PCDH7: variants seen among roughly 807,000 people sequenced by gnomAD.
PCDH7 encodes protocadherin-7.
PCDH7 carries 17 observed loss-of-function variants against 58.9 expected under a neutral mutation model. That is an observed-to-expected ratio of 0.29 (90% CI 0.20 to 0.43). PCDH7 has a LOEUF of 0.43. Among genes scored for constraint, PCDH7 ranks in the 20% least tolerant of loss-of-function variants. The pLI is 1.00. For missense variants in PCDH7, 1,274 were observed against 1,441.0 expected (o/e 0.88, Z 1.88); for synonymous variants, 664 against 616.4 (o/e 1.08, Z -1.14).
chr4:30,964,176 T>G lies in PCDH7; in HGVS notation c.*7+13961T>G, dbSNP rs150152445. Among the ~76,000 whole-genome samples, 365 of 152,232 alleles carry G rather than the reference T, an allele frequency of 2.4e-3. 1 individual carries two copies. The highest frequency in any genetic ancestry group is 0.011 in the South Asian group (52 of 4,826). ...TGTCTTATTCATAGCTTTAGTTTGC[T>G]ATAGGGGAAGTGATAGGGTATATTA... On this transcript the variant is annotated intron_variant, in intron 3 of 3. Coordinates refer to the PCDH7 transcript ENST00000509759.
chr4:31,011,401 G>A (rs898044056), intron 3 of PCDH7, among the ~76,000 whole-genome samples: 2 of 151,824 alleles, frequency 1.3e-5, no homozygotes, highest in African/African-American at 2.4e-5. Context: ...CTGATATTTG[G>A]CTCCTTTCCA....
intron 3 of PCDH7, among the ~76,000 whole-genome samples, chr4:30,987,033 A>C (rs747097202): frequency 3.9e-5 from 6 of 152,176 alleles, no homozygotes; most frequent in Non-Finnish European, 8.8e-5. Flanking sequence ...ATTCTACAAT[A>C]CAGTGTGACA....
intron 3 of PCDH7, among the ~76,000 whole-genome samples, chr4:31,098,256 T>A (rs140306319): frequency 3.2e-4 from 49 of 152,344 alleles, no homozygotes; most frequent in African/African-American, 1.1e-3. Context: ...TTGCTTCTGG[T>A]CTCGTGACTG....
chr4:31,002,272 T>G (rs1276128166), intron 3 of PCDH7, among the ~76,000 whole-genome samples: 1 of 152,224 alleles, frequency 6.6e-6, no homozygotes, highest in Non-Finnish European at 1.5e-5. Context: ...TGATAAGCAC[T>G]CAGGCACCAT....
At chr4:30,906,652 A>G (rs1436823956) in intron 1 of PCDH7, among the ~76,000 whole-genome samples, 1 of 152,206 alleles carries the variant, frequency 6.6e-6, no homozygotes, top group African/African-American at 2.4e-5. Context: ...TAGCAGCTAC[A>G]CTTTCCAGTA....
intron 1 of PCDH7, among the ~76,000 whole-genome samples, chr4:30,856,716 A>ATG (rs1733514492): frequency 6.6e-6 from 1 of 150,600 alleles, no homozygotes; most frequent in South Asian, 2.1e-4. Context: ...AAATATATAT[A>ATG]TATATACATG....
chr4:31,138,254 G>A (rs1180251131), intron 3 of PCDH7, among the ~76,000 whole-genome samples: 3 of 152,086 alleles, frequency 2.0e-5, no homozygotes, highest in Non-Finnish European at 4.4e-5. Context: ...AAAATACTAT[G>A]TTTTTGAGAG....
chr4:30,797,439 AT>A (rs1171850897), intron 1 of PCDH7, among the ~76,000 whole-genome samples: 1 of 151,246 alleles, frequency 6.6e-6, no homozygotes, highest in Non-Finnish European at 1.5e-5. Context: ...CGCCCGGCTA[AT>A]TTTTTTTGTA....
At chr4:31,067,496 T>C (rs1758182391) in intron 3 of PCDH7, among the ~76,000 whole-genome samples, 1 of 151,694 alleles carries the variant, frequency 6.6e-6, no homozygotes, top group Non-Finnish European at 1.5e-5. Context: ...ATCGTGCCAG[T>C]GGTATTTCCG....
exon 2 of PCDH7, chr4:30,730,802 A>G (rs1167779161): frequency 6.2e-7 from 1 of 1,607,572 alleles, no homozygotes; most frequent in African/African-American, 1.3e-5. Context: ...CCACTCTAAT[A>G]TGATGCTCCA....
chr4:31,025,009 C>T (rs1311321480), intron 3 of PCDH7, among the ~76,000 whole-genome samples: 1 of 152,332 alleles, frequency 6.6e-6, no homozygotes, highest in Non-Finnish European at 1.5e-5. Flanking sequence ...TCCCAGAGTG[C>T]TGGCGTTTCA....
intron 1 of PCDH7, among the ~76,000 whole-genome samples, chr4:30,768,007 G>GA (rs1004198073): frequency 1.1e-3 from 162 of 152,164 alleles, no homozygotes; most frequent in African/African-American, 3.8e-3. Context: ...TCCTTTGTCT[G>GA]AAAACATTGT....
At chr4:30,971,624 T>C (rs1240223902) in intron 3 of PCDH7, among the ~76,000 whole-genome samples, 4 of 152,202 alleles carry the variant, frequency 2.6e-5, no homozygotes, top group Non-Finnish European at 5.9e-5. Flanking sequence ...TTCTTGTCAG[T>C]TGTTTTAGAA....
intron 3 of PCDH7, among the ~76,000 whole-genome samples, chr4:31,033,030 G>A (rs1348203080): frequency 6.6e-6 from 1 of 151,940 alleles, no homozygotes; most frequent in Non-Finnish European, 1.5e-5. Flanking sequence ...TTTTGGACAG[G>A]AATCATAGTG....
intron 3 of PCDH7, among the ~76,000 whole-genome samples, chr4:31,110,711 C>T (rs1362743114): frequency 1.3e-5 from 2 of 151,908 alleles, no homozygotes; most frequent in Non-Finnish European, 2.9e-5. Flanking sequence ...GTCAGGAAAT[C>T]GAGACCATCC....
intron 2 of PCDH7, among the ~76,000 whole-genome samples, chr4:30,947,982 T>G (rs1279617629): frequency 6.6e-6 from 1 of 152,100 alleles, no homozygotes; most frequent in African/African-American, 2.4e-5. Context: ...TCCTGGTTTA[T>G]TAGACGCTTT....
At chr4:30,930,241 T>A (rs1744404486) in intron 2 of PCDH7, among the ~76,000 whole-genome samples, 1 of 152,074 alleles carries the variant, frequency 6.6e-6, no homozygotes, top group Non-Finnish European at 1.5e-5. Context: ...GAAATGTGGA[T>A]AAGGCTATGG....
intron 3 of PCDH7, among the ~76,000 whole-genome samples, chr4:30,990,111 T>C (rs576766299): frequency 3.3e-5 from 5 of 152,026 alleles, no homozygotes; most frequent in Admixed American, 6.6e-5. Context: ...TTTATGATTA[T>C]AGTATAATTT....
In PCDH7 at chr4:30,722,137, G is replaced by A; in HGVS notation, c.715G>A (p.Gly239Ser). 6.9e-7 allele frequency: 1 copy of A among 1,446,132 alleles called. No homozygotes were observed. Among genetic ancestry groups the A allele is most frequent in the South Asian group, 1.4e-5 (1 of 69,998 alleles). 89.6% of individuals were successfully genotyped at this position (1,446,132 alleles called of 1,614,324 possible). The change falls in exon 1 of 2, where the codon GGC (glycine) becomes AGC (serine). Residue 239 changes from glycine to serine, a missense_variant. Physicochemically the swap from Gly to Ser is moderately conservative, Grantham distance 56 (BLOSUM62 0). Transcript: ENST00000361762. The surrounding 1 kb of genome is among the most constrained non-coding windows in gnomAD (Gnocchi z 7.6). The stretch of plus-strand genomic sequence containing the variant: ...GGGCGGCGGCGGCACCAACCCCGGC[G>A]GCCGCAGCAGCGTGTTCGAGCTGCA...
Sources: gnomAD v4.1 joint callset for allele counts (sites outside exome capture counted in the v4.1 genomes callset) on GRCh38, gnomAD v4.1.1 for gene constraint, Gnocchi (gnomAD v3.1) non-coding constraint, MANE v1.5 for transcripts, NCBI Gene and HGNC (gene_info 2026-07-23, HGNC 2026-07-21) for gene names.